The following NRG1 variants were observed in gnomAD, a reference collection of about 807,000 sequenced individuals.
NRG1 encodes the protein neuregulin 1, also known as pro-neuregulin-1, membrane-bound isoform.
NRG1 carries 18 observed loss-of-function variants against 63.8 expected under a neutral mutation model. The ratio of observed to expected loss-of-function variants is 0.28; its 90% CI spans 0.19 to 0.42. NRG1 has a LOEUF of 0.42. NRG1 is among the 10% of genes least tolerant of loss of function. The probability of loss-of-function intolerance (pLI) is 1.00; values close to 1 mark genes in which losing one functional copy is unlikely to be tolerated. For synonymous variants in NRG1, 302 were observed against 301.3 expected (o/e 1.00, Z -0.02); for missense variants, 762 against 814.7 (o/e 0.94, Z 0.79).
intron 1 of NRG1, among the ~76,000 whole-genome samples, chr8:32,130,671 C>G (rs1199060426): frequency 3.3e-5 from 5 of 151,922 alleles, no homozygotes; most frequent in Admixed American, 6.6e-5. Context: ...ATGTGAATGT[C>G]TATCTCAGAC....
At chr8:32,077,946 T>C (rs1826847178) in intron 1 of NRG1, among the ~76,000 whole-genome samples, 1 of 152,192 alleles carries the variant, frequency 6.6e-6, no homozygotes, top group African/African-American at 2.4e-5. Context: ...GAAGCAATCA[T>C]GTAGTTCTTC....
At chr8:32,754,993 G>A (rs928027891) in intron 8 of NRG1, among the ~76,000 whole-genome samples, 33 of 152,110 alleles carry the variant, frequency 2.2e-4, no homozygotes, top group African/African-American at 7.7e-4. Context: ...ACCTTTCGTG[G>A]TATCTGAAAT....
chr8:32,520,998 A>G (rs1176515003), intron 1 of NRG1, among the ~76,000 whole-genome samples: 1 of 152,224 alleles, frequency 6.6e-6, no homozygotes, highest in African/African-American at 2.4e-5. Flanking sequence ...CCCAAAGTAC[A>G]AGAGTAGTGA....
At chr8:32,009,100 T>C (rs1485214631) in intron 1 of NRG1, among the ~76,000 whole-genome samples, 1 of 152,072 alleles carries the variant, frequency 6.6e-6, no homozygotes, top group African/African-American at 2.4e-5. Context: ...CCTCTGACTC[T>C]CTTATAAACT....
intron 1 of NRG1, among the ~76,000 whole-genome samples, chr8:32,167,228 C>T (rs960022223): frequency 6.6e-6 from 1 of 152,146 alleles, no homozygotes; most frequent in Non-Finnish European, 1.5e-5. Flanking sequence ...AAAATGGCAG[C>T]CCCTACCCCA....
chr8:32,617,250 G>C (rs1302449261), intron 5 of NRG1, among the ~76,000 whole-genome samples: 2 of 152,196 alleles, frequency 1.3e-5, no homozygotes, highest in African/African-American at 4.8e-5. Context: ...AACTGCCTGA[G>C]GCATGATACC....
intron 1 of NRG1, among the ~76,000 whole-genome samples, chr8:31,975,801 G>A (rs183604542): frequency 6.6e-6 from 1 of 152,172 alleles, no homozygotes; most frequent in East Asian, 1.9e-4. Context: ...TTCAGGTTAA[G>A]TGGCCTAAAT....
chr8:32,328,964 T>C (rs1176598658), intron 1 of NRG1, among the ~76,000 whole-genome samples: 1 of 152,098 alleles, frequency 6.6e-6, no homozygotes, highest in African/African-American at 2.4e-5. Context: ...CCTTAAAATC[T>C]ACACATTATT....
intron 1 of NRG1, among the ~76,000 whole-genome samples, chr8:32,575,314 C>G (rs1024120046): frequency 6.6e-6 from 1 of 152,026 alleles, no homozygotes; most frequent in Non-Finnish European, 1.5e-5. Flanking sequence ...GGTTGGCCTA[C>G]TTCTTCTTTC....
intron 1 of NRG1, chr8:32,061,663 A>G (rs1823887635): frequency 6.6e-6 from 1 of 151,740 alleles, no homozygotes; most frequent in African/African-American, 2.4e-5. Flanking sequence ...CCTAATGTAC[A>G]TTTTTTCTCT....
At position 32,397,120 on chromosome 8, in the gene NRG1, GTAGA is replaced by G. The variant is rs544298902; in HGVS notation, c.38-198696_38-198693del. ...AATAGGTAGGTAGGCAGATTAGTAG[GTAGA>G]TAGATAGATAGGTAGATAGATACAT... On this transcript the variant is annotated intron_variant, in intron 1 of 10. Coordinates refer to the NRG1 transcript ENST00000519301. 2.7e-3 allele frequency among the ~76,000 whole-genome samples: 410 copies of G among 152,192 alleles called. 3 individuals are homozygous for G. The highest frequency in any genetic ancestry group is 9.1e-3 in the African/African-American group (378 of 41,536).
At chr8:31,689,403 T>A (rs748743984) in intron 1 of NRG1, among the ~76,000 whole-genome samples, 2 of 152,224 alleles carry the variant, frequency 1.3e-5, no homozygotes, top group Non-Finnish European at 2.9e-5. Context: ...ACAATTATAA[T>A]TTAGTACATT....
At chr8:31,795,843 A>C (rs1821150964) in intron 1 of NRG1, among the ~76,000 whole-genome samples, 1 of 152,222 alleles carries the variant, frequency 6.6e-6, no homozygotes, top group Admixed American at 6.5e-5. Flanking sequence ...CTAAGGAAGC[A>C]GATTTAATGA....
intron 1 of NRG1, among the ~76,000 whole-genome samples, chr8:32,445,387 C>T (rs1479022195): frequency 2.6e-5 from 4 of 152,112 alleles, no homozygotes; most frequent in African/African-American, 9.7e-5. Flanking sequence ...CTGTAATAGT[C>T]AAAGACAAGA....
chr8:32,597,756 TAA>T (rs1843620410), intron 2 of NRG1, among the ~76,000 whole-genome samples: 1 of 152,104 alleles, frequency 6.6e-6, no homozygotes, highest in Non-Finnish European at 1.5e-5. Context: ...AGAATGAAAT[TAA>T]GTTTCTTCCT....
At chr8:32,287,654 T>C (rs1410393582) in intron 1 of NRG1, 2 of 152,248 alleles carry the variant, frequency 1.3e-5, no homozygotes, top group African/African-American at 2.4e-5. Flanking sequence ...GTTCTATGCA[T>C]GTGTTCACAA....
intron 1 of NRG1, among the ~76,000 whole-genome samples, chr8:31,750,040 C>A (rs1010571336): frequency 5.3e-5 from 8 of 151,876 alleles, no homozygotes; most frequent in Admixed American, 3.9e-4. Context: ...CACCTTCCAC[C>A]AGGAGAAGCC....
At chr8:32,076,847 T>C (rs559146733) in intron 1 of NRG1, among the ~76,000 whole-genome samples, 1 of 152,290 alleles carries the variant, frequency 6.6e-6, no homozygotes, top group South Asian at 2.1e-4. Context: ...CTGGGCATCA[T>C]TTGAATAATG....
chr8:31,652,076 G>T (rs1232735441), intron 1 of NRG1, among the ~76,000 whole-genome samples: 1 of 152,150 alleles, frequency 6.6e-6, no homozygotes, highest in Admixed American at 6.5e-5. Flanking sequence ...GTTATTCCCA[G>T]TGACTTCCTT....
Sources: gnomAD v4.1 joint callset for allele counts (sites outside exome capture counted in the v4.1 genomes callset) on GRCh38, gnomAD v4.1.1 for gene constraint, MANE v1.5 for transcripts, NCBI Gene and HGNC (gene_info 2026-07-23, HGNC 2026-07-21) for gene names.